The following TNFSF4 variants were observed in gnomAD, a reference collection of about 807,000 sequenced individuals.
The protein encoded by TNFSF4 is tumor necrosis factor ligand superfamily member 4.
In TNFSF4, 4 loss-of-function variants were observed where a neutral mutation model predicts 7.3. The observed-to-expected ratio is 0.55, with a 90% confidence interval of 0.27 to 1.25. TNFSF4 has a LOEUF of 1.25. Among genes scored for constraint, TNFSF4 ranks in the 50% most tolerant of loss-of-function variants. TNFSF4 has a pLI of 0.12. For synonymous variants in TNFSF4, 76 were observed against 83.7 expected (o/e 0.91, Z 0.50); for missense variants, 181 against 208.8 (o/e 0.87, Z 0.82).
the TNFSF4 span, among the ~76,000 whole-genome samples, chr1:173,303,091 C>T: frequency 7.9e-5 from 12 of 151,868 alleles, no homozygotes; most frequent in Non-Finnish European, 1.2e-4. Context: ...GAGGTGCCTT[C>T]TGACCAAGTT....
chr1:173,256,302 G>A, the TNFSF4 span, among the ~76,000 whole-genome samples: 1 of 152,118 alleles, frequency 6.6e-6, no homozygotes, highest in Non-Finnish European at 1.5e-5. Context: ...TGGGGGCTAT[G>A]AAGTTTCAGA....
At chr1:173,414,162 A>G in the TNFSF4 span, among the ~76,000 whole-genome samples, 4 of 152,184 alleles carry the variant, frequency 2.6e-5, no homozygotes, top group Non-Finnish European at 4.4e-5. Context: ...TAAACCACAG[A>G]CATTTTTATT....
At chr1:173,449,349 C>CTT in the TNFSF4 span, among the ~76,000 whole-genome samples, 3 of 121,864 alleles carry the variant, frequency 2.5e-5, no homozygotes, top group Non-Finnish European at 5.1e-5. Flanking sequence ...TTCTTTCTTT[C>CTT]TTTTTTTTTT....
intron 1 of TNFSF4, among the ~76,000 whole-genome samples, chr1:173,188,866 C>A (rs1299935749): frequency 6.6e-6 from 1 of 152,092 alleles, no homozygotes; most frequent in African/African-American, 2.4e-5. Flanking sequence ...GCACGCACCA[C>A]CACACCTGAT....
downstream of TNFSF4, among the ~76,000 whole-genome samples, chr1:173,179,413 A>G (rs372990073): frequency 6.6e-6 from 1 of 152,194 alleles, no homozygotes; most frequent in African/African-American, 2.4e-5. Context: ...GTTGCTACAC[A>G]GGAAGAGGAA....
At chr1:173,419,265 C>A in the TNFSF4 span, among the ~76,000 whole-genome samples, 1 of 151,830 alleles carries the variant, frequency 6.6e-6, no homozygotes, top group Middle Eastern at 3.4e-3. Context: ...TGGCCTGAAC[C>A]TGGGAGGCGG....
the TNFSF4 span, among the ~76,000 whole-genome samples, chr1:173,447,867 TA>T: frequency 6.6e-6 from 1 of 151,920 alleles, no homozygotes; most frequent in Admixed American, 6.6e-5. Flanking sequence ...AAATAAGACC[TA>T]ACTATCTACA....
chr1:173,270,245 A>T, the TNFSF4 span, among the ~76,000 whole-genome samples: 2 of 152,130 alleles, frequency 1.3e-5, no homozygotes, highest in Admixed American at 1.3e-4. Flanking sequence ...TATACTTCAA[A>T]GTAAAGATGA....
chr1:173,194,695 C>A (rs1161804257), intron 1 of TNFSF4, among the ~76,000 whole-genome samples: 1 of 151,642 alleles, frequency 6.6e-6, no homozygotes, highest in East Asian at 1.9e-4. Context: ...CCAGCCTGGA[C>A]AACATGGTGA....
chr1:173,173,741 G>A, the TNFSF4 span, among the ~76,000 whole-genome samples: 2 of 152,358 alleles, frequency 1.3e-5, no homozygotes, highest in African/African-American at 4.8e-5. Flanking sequence ...GGCTGGAGTT[G>A]AAGCAGCTGG....
At chr1:173,249,271 T>C in the TNFSF4 span, among the ~76,000 whole-genome samples, 1 of 152,200 alleles carries the variant, frequency 6.6e-6, no homozygotes, top group Non-Finnish European at 1.5e-5. Flanking sequence ...AAAATTGAGA[T>C]ACATTTTAAA....
upstream of TNFSF4, among the ~76,000 whole-genome samples, chr1:173,208,493 A>G (rs1650273913): frequency 6.6e-6 from 1 of 152,338 alleles, no homozygotes; most frequent in Non-Finnish European, 1.5e-5. Flanking sequence ...AAGTACATTT[A>G]TGACTACAGT....
chr1:173,234,108 TCAAA>T, the TNFSF4 span, among the ~76,000 whole-genome samples: 1 of 151,814 alleles, frequency 6.6e-6, no homozygotes, highest in African/African-American at 2.4e-5. Context: ...CAAGAGAAAA[TCAAA>T]CAACCCCATC....
chr1:173,407,578 A>C, the TNFSF4 span, among the ~76,000 whole-genome samples: 1 of 151,636 alleles, frequency 6.6e-6, no homozygotes, highest in African/African-American at 2.4e-5. Context: ...AAAAAAAAAA[A>C]AAAAAGTTAC....
chr1:173,232,947 T>C, the TNFSF4 span, among the ~76,000 whole-genome samples: 2 of 152,072 alleles, frequency 1.3e-5, no homozygotes, highest in African/African-American at 4.8e-5. Flanking sequence ...GGAACACAGC[T>C]CCTCACCAGC....
chr1:173,215,735 C>T, the TNFSF4 span, among the ~76,000 whole-genome samples: 1 of 152,172 alleles, frequency 6.6e-6, no homozygotes, highest in Non-Finnish European at 1.5e-5. Context: ...ATCTTTATCC[C>T]AATCATAGCA....
chr1:173,355,192 C>G, the TNFSF4 span, among the ~76,000 whole-genome samples: 7 of 152,208 alleles, frequency 4.6e-5, no homozygotes, highest in Admixed American at 2.0e-4. Flanking sequence ...CTGCCTTCCT[C>G]TTTCCCTCAT....
At chr1:173,233,952 C>G in the TNFSF4 span, among the ~76,000 whole-genome samples, 2 of 152,088 alleles carry the variant, frequency 1.3e-5, no homozygotes, top group African/African-American at 4.8e-5. Context: ...CAAATGGGAT[C>G]TAATTAAACT....
the TNFSF4 span, among the ~76,000 whole-genome samples, chr1:173,419,203 G>A: frequency 2.6e-5 from 4 of 152,098 alleles, no homozygotes; most frequent in Non-Finnish European, 4.4e-5. Context: ...TTAGCCGGGT[G>A]TGGTGGCGGG....
Sources: gnomAD v4.1 joint callset for allele counts (sites outside exome capture counted in the v4.1 genomes callset) on GRCh38, gnomAD v4.1.1 for gene constraint, MANE v1.5 for transcripts, NCBI Gene and HGNC (gene_info 2026-07-23, HGNC 2026-07-21) for gene names.